Variants in BCL7C observed in about 807,000 individuals in gnomAD.
BCL7C encodes the protein BAF chromatin remodeling complex subunit BCL7C.
In BCL7C, 8 loss-of-function variants were observed where a neutral mutation model predicts 26.2. The observed-to-expected ratio is 0.30, with a 90% confidence interval of 0.18 to 0.55. The LOEUF (loss-of-function observed/expected upper bound fraction) is 0.55. Among genes scored for constraint, BCL7C ranks in the 20% least tolerant of loss-of-function variants. The pLI is 0.93. For synonymous variants in BCL7C, 90 were observed against 116.5 expected, an observed-to-expected ratio of 0.77 and a Z score of 1.47; for missense variants, 262 against 298.5, an observed-to-expected ratio of 0.88 and a Z score of 0.90.
At chr16:30,869,880 G>A (rs763231935) in intron 5 of BCL7C, among the ~76,000 whole-genome samples, 13 of 152,100 alleles carry the variant, frequency 8.5e-5, no homozygotes, top group Non-Finnish European at 1.6e-4. Context: ...TGTTGAATGA[G>A]TAAACAAATT....
At chr16:30,870,595 AG>A (rs1182708058) in intron 5 of BCL7C, among the ~76,000 whole-genome samples, 1 of 152,192 alleles carries the variant, frequency 6.6e-6, no homozygotes, top group East Asian at 1.9e-4. Flanking sequence ...GGATCGCTTG[AG>A]CCCAGGAGTT....
intron 5 of BCL7C, among the ~76,000 whole-genome samples, chr16:30,837,077 A>C (rs1276353996): frequency 6.6e-6 from 1 of 151,716 alleles, no homozygotes; most frequent in East Asian, 2.0e-4. Context: ...TACAGGCATG[A>C]GCCACCGCGC....
At chr16:30,873,826 G>A (rs2054903506) in intron 5 of BCL7C, among the ~76,000 whole-genome samples, 2 of 125,802 alleles carry the variant, frequency 1.6e-5, no homozygotes, top group African/African-American at 6.0e-5. Flanking sequence ...ACTCCATCCT[G>A]GGCCACAGAG....
chr16:30,846,119 A>AG (rs1478346779), intron 5 of BCL7C, among the ~76,000 whole-genome samples: 1 of 150,208 alleles, frequency 6.7e-6, no homozygotes, highest in East Asian at 2.0e-4. Context: ...CAAAAAAAAA[A>AG]AAAAAGAAAG....
intron 5 of BCL7C, among the ~76,000 whole-genome samples, chr16:30,873,137 C>A (rs117378813): frequency 0.011 from 1,723 of 152,166 alleles, 16 homozygotes; most frequent in South Asian, 0.036. Flanking sequence ...TTATCATGTA[C>A]CCAAGAGTGG....
chr16:30,888,814 C>G, intron 5 of BCL7C, 46 bp downstream of exon 5: 2 of 1,584,050 alleles, frequency 1.3e-6, no homozygotes, highest in African/African-American at 1.3e-5. Context: ...CCCAGATCCC[C>G]CATTCCCTCC....
rs1488834339 is a variant in BCL7C, at chr16:30,893,341, C to G, written c.93-51G>C. 15 of 1,496,430 alleles carry G rather than the reference C, an allele frequency of 1.0e-5. No homozygotes were observed. Among genetic ancestry groups the G allele is most frequent in the South Asian group, 9.3e-5 (8 of 86,114 alleles). 92.7% of individuals were successfully genotyped at this position (1,496,430 alleles called of 1,614,324 possible). A position where few individuals can be genotyped will look rare whatever the true frequency, so the allele number is the denominator to read the frequency against. ...AGAGAGGCCTGAGGGGAGACCCACCCCCCTAGGAGCTGGACACATCTGGGG... is the reference window on the plus strand; with the variant it reads ...AGAGAGGCCTGAGGGGAGACCCACCGCCCTAGGAGCTGGACACATCTGGGG... On this transcript the variant is annotated intron_variant, in intron 1 of 5. Coordinates refer to ENST00000215115, the MANE Select transcript of BCL7C (RefSeq NM_004765.4). This position sits in a 1 kb window ranked among gnomAD's most constrained non-coding sequence, Gnocchi z 5.2.
At chr16:30,846,497 G>T (rs1211558382) in intron 5 of BCL7C, among the ~76,000 whole-genome samples, 1 of 152,010 alleles carries the variant, frequency 6.6e-6, no homozygotes. Flanking sequence ...AAAGTTCTGG[G>T]ATTACAGGCA....
downstream of BCL7C, chr16:30,887,668 C>T: frequency 2.3e-6 from 2 of 863,612 alleles, no homozygotes; most frequent in Non-Finnish European, 3.4e-6. Flanking sequence ...CCCCACTCTG[C>T]CTTGTGGTGT....
intron 5 of BCL7C, among the ~76,000 whole-genome samples, chr16:30,876,694 A>C (rs1003047365): frequency 2.0e-5 from 3 of 152,164 alleles, no homozygotes; most frequent in African/African-American, 7.2e-5. Flanking sequence ...AGCCTGAGAT[A>C]AGAGAGAGAA....
intron 5 of BCL7C, among the ~76,000 whole-genome samples, chr16:30,839,832 T>C (rs1216048594): frequency 6.6e-6 from 1 of 152,200 alleles, no homozygotes; most frequent in Non-Finnish European, 1.5e-5. Context: ...GAGATAATAA[T>C]TGGTTGTGGC....
rs1288252811 is a variant in BCL7C, at chr16:30,834,983, C to T, written c.694G>A (p.Ala232Thr). 6.5e-7 allele frequency: 1 copy of T among 1,547,066 alleles called. No homozygotes were observed. The highest frequency in any genetic ancestry group is 1.2e-5 in the South Asian group (1 of 83,800). ...TTACCCTGGGGGATTGTTCTGGGTG[C>T]CCTCGGGGCCTTGCTGCCTCCCCCG... Residue 232 changes from alanine to threonine, a missense_variant, in exon 6 of 6, where the codon GCA (alanine) becomes ACA (threonine). Ala to Thr is a moderately conservative substitution (Grantham distance 58). Coordinates refer to the BCL7C transcript ENST00000380317. This position sits in a 1 kb window ranked among gnomAD's most constrained non-coding sequence, Gnocchi z 4.3.
At chr16:30,890,987 AAAAC>A (rs1221371945) in intron 4 of BCL7C, among the ~76,000 whole-genome samples, 2 of 151,928 alleles carry the variant, frequency 1.3e-5, no homozygotes, top group Admixed American at 6.6e-5. Context: ...CTCTGTCTCA[AAAAC>A]AAACAAACAA....
At chr16:30,881,519 GC>G (rs2055043957) in intron 5 of BCL7C, among the ~76,000 whole-genome samples, 1 of 152,114 alleles carries the variant, frequency 6.6e-6, no homozygotes, top group Non-Finnish European at 1.5e-5. Flanking sequence ...CTTGACAGTG[GC>G]CTCTGAGCAG....
intron 5 of BCL7C, among the ~76,000 whole-genome samples, chr16:30,857,818 A>C (rs1240377811): frequency 6.6e-6 from 1 of 151,826 alleles, no homozygotes; most frequent in African/African-American, 2.4e-5. Context: ...TAATAATACA[A>C]AAATTAGCTG....
At chr16:30,854,380 T>C (rs1380538232) in intron 5 of BCL7C, among the ~76,000 whole-genome samples, 1 of 152,216 alleles carries the variant, frequency 6.6e-6, no homozygotes, top group African/African-American at 2.4e-5. Context: ...GCTCCTGTAG[T>C]ACACTGGCCA....
intron 5 of BCL7C, among the ~76,000 whole-genome samples, chr16:30,880,739 C>T (rs1215052359): frequency 6.6e-6 from 1 of 151,860 alleles, no homozygotes; most frequent in Non-Finnish European, 1.5e-5. Flanking sequence ...TGCTCTGTTG[C>T]CCAGGCTAGA....
At chr16:30,873,775 T>C (rs1206638786) in intron 5 of BCL7C, among the ~76,000 whole-genome samples, 9 of 146,664 alleles carry the variant, frequency 6.1e-5, no homozygotes, top group Non-Finnish European at 1.0e-4. Flanking sequence ...CGCTTGAACC[T>C]GGGAGGCGGA....
Position 30,834,698 on chromosome 16 carries a change from G to A in BCL7C, c.*250C>T. The A allele has an allele frequency of 2.6e-6, 1 of 384,890 alleles. No homozygotes were observed. The highest frequency in any genetic ancestry group is 4.3e-5 in the Admixed American group (1 of 23,072). The allele number at this position is 384,890 out of a possible 1,614,324, so 23.8% of individuals were successfully genotyped here. A position where few individuals can be genotyped will look rare whatever the true frequency, so the allele number is the denominator to read the frequency against. ...AGTGCACCCCTCCCCTAGGCCTCTA[G>A]CAAGGCGGCCTCAGGCACTGGATGT... is the stretch of plus-strand genomic sequence containing the variant. On this transcript the variant is annotated 3_prime_UTR_variant, in exon 6 of 6. Coordinates refer to the BCL7C transcript ENST00000380317. The surrounding 1 kb of genome is among the most constrained non-coding windows in gnomAD (Gnocchi z 4.3).
Sources: allele counts gnomAD v4.1 joint callset (sites outside exome capture counted in the v4.1 genomes callset), GRCh38; gene constraint gnomAD v4.1.1; non-coding constraint Gnocchi (gnomAD v3.1); transcripts MANE v1.5; gene names NCBI Gene and HGNC (gene_info 2026-07-23, HGNC 2026-07-21).